ZFYVE9: variants seen among roughly 807,000 people sequenced by gnomAD.
The protein encoded by ZFYVE9 is zinc finger FYVE domain-containing protein 9.
A neutral mutation model predicts 126.7 loss-of-function variants in ZFYVE9; 43 were observed. The ratio of observed to expected loss-of-function variants is 0.34; its 90% CI spans 0.27 to 0.44. The LOEUF (loss-of-function observed/expected upper bound fraction) is 0.44. ZFYVE9 is among the 20% of genes least tolerant of loss of function. The probability of loss-of-function intolerance (pLI) is 1.00; values close to 1 mark genes in which losing one functional copy is unlikely to be tolerated. For synonymous variants in ZFYVE9, 521 were observed against 597.4 expected (o/e 0.87, Z 1.87); for missense variants, 1,476 against 1,697.0 (o/e 0.87, Z 2.29).
Position 52,241,961 on chromosome 1 carries a change from A to G in ZFYVE9, c.2178+2366A>G, listed in dbSNP as rs1645337673. Among the ~76,000 whole-genome samples, 4 of 152,030 alleles carry G rather than the reference A, an allele frequency of 2.6e-5. No homozygotes were observed. The South Asian group carries it at 8.3e-4, about 31-fold the overall frequency. On this transcript the variant is annotated intron_variant, in intron 4 of 18. Transcript: ENST00000287727. ...AACAAGCATATATTGTGTCTAATATATAAAAGGTTCTAGGCTAGGTAATGG... is the reference window on the plus strand; with the variant it reads ...AACAAGCATATATTGTGTCTAATATGTAAAAGGTTCTAGGCTAGGTAATGG...
At position 52,334,786 on chromosome 1, in the gene ZFYVE9, C is replaced by G. The variant is rs745908308; in HGVS notation, c.3670+18C>G. The G allele has an allele frequency of 1.2e-6, 2 of 1,611,666 alleles. No individual in the cohort carries two copies. Among genetic ancestry groups the G allele is most frequent in the East Asian group, 2.2e-5 (1 of 44,826 alleles). ...TGTGGAAGGTAAAGAATGAATTGTTCAGTCCTCATAATAAGGACTGAACTT... is the reference window on the plus strand; with the variant it reads ...TGTGGAAGGTAAAGAATGAATTGTTGAGTCCTCATAATAAGGACTGAACTT... On this transcript the variant is annotated intron_variant, in intron 15 of 18. Transcript: ENST00000287727.
intron 15 of ZFYVE9, among the ~76,000 whole-genome samples, chr1:52,335,940 C>T (rs1646384372): frequency 6.6e-6 from 1 of 152,114 alleles, no homozygotes; most frequent in East Asian, 1.9e-4. Flanking sequence ...TGGAGACCAG[C>T]CTGGCCGACA....
At chr1:52,272,610 T>C (rs1388433956) in intron 7 of ZFYVE9, among the ~76,000 whole-genome samples, 1 of 151,938 alleles carries the variant, frequency 6.6e-6, no homozygotes, top group Non-Finnish European at 1.5e-5. Context: ...CTCCTGTTAG[T>C]GGCCATTCAA....
chr1:52,268,385 G>A (rs1645653689), intron 6 of ZFYVE9, 78 bp from the exon 7 acceptor site: 1 of 1,446,290 alleles, frequency 6.9e-7, no homozygotes, highest in Non-Finnish European at 9.4e-7. Flanking sequence ...ATCTGGAATT[G>A]GTGACCTTCT....
intron 13 of ZFYVE9, among the ~76,000 whole-genome samples, chr1:52,328,767 A>G (rs1287662042): frequency 6.6e-6 from 1 of 152,260 alleles, no homozygotes; most frequent in Non-Finnish European, 1.5e-5. Flanking sequence ...TTTGCTAAGC[A>G]GAAATCTTCT....
intron 13 of ZFYVE9, among the ~76,000 whole-genome samples, chr1:52,325,375 C>T (rs1325217900): frequency 6.6e-6 from 1 of 151,958 alleles, no homozygotes; most frequent in Non-Finnish European, 1.5e-5. Context: ...AAAGAATTAG[C>T]CAGGTGTGGT....
intron 1 of ZFYVE9, among the ~76,000 whole-genome samples, chr1:52,156,422 C>T (rs1453982356): frequency 6.6e-6 from 1 of 152,190 alleles, no homozygotes; most frequent in Non-Finnish European, 1.5e-5. Context: ...AAAGGTGACA[C>T]TCATCATTGC....
At chr1:52,169,259 C>T (rs2124522121) in intron 1 of ZFYVE9, among the ~76,000 whole-genome samples, 1 of 152,154 alleles carries the variant, frequency 6.6e-6, no homozygotes, top group East Asian at 1.9e-4. Context: ...AAAAACTAGC[C>T]AGACGTGGTG....
intron 8 of ZFYVE9, among the ~76,000 whole-genome samples, chr1:52,276,180 A>G (rs1321782245): frequency 2.0e-5 from 3 of 152,168 alleles, no homozygotes. Flanking sequence ...TGCTGGGATT[A>G]CAGGCGTGAG....
intron 1 of ZFYVE9, among the ~76,000 whole-genome samples, chr1:52,164,438 T>C (rs148092993): frequency 1.3e-3 from 205 of 152,162 alleles, no homozygotes; most frequent in African/African-American, 4.6e-3. Flanking sequence ...GGTCTTGAAC[T>C]CCTCACCTCA....
chr1:52,161,470 T>C (rs935303130), intron 1 of ZFYVE9, among the ~76,000 whole-genome samples: 1 of 152,136 alleles, frequency 6.6e-6, no homozygotes. Context: ...TTTGTATTTT[T>C]AGTAGAGACA....
chr1:52,173,481 T>A (rs1054332012), intron 1 of ZFYVE9, among the ~76,000 whole-genome samples: 10 of 152,228 alleles, frequency 6.6e-5, no homozygotes, highest in Admixed American at 3.9e-4. Context: ...GTTGTGTCTC[T>A]GCCCGGCTTT....
At chr1:52,344,578 C>T (rs1412762335) in intron 17 of ZFYVE9, among the ~76,000 whole-genome samples, 190 bp from the exon 18 acceptor site, 1 of 152,046 alleles carries the variant, frequency 6.6e-6, no homozygotes. Flanking sequence ...GATGGAGAGA[C>T]AGGGATTGTT....
At chr1:52,246,698 ATTTTTTTTTTTT>A (rs759969701) in intron 4 of ZFYVE9, among the ~76,000 whole-genome samples, 1 of 99,292 alleles carries the variant, frequency 1.0e-5, no homozygotes, top group African/African-American at 4.0e-5. Flanking sequence ...CGTGTAACTA[ATTTTTTTTTTTT>A]TTTTTTTTTT....
In ZFYVE9 at chr1:52,237,505, A is replaced by G. The variant is rs1645283964; in HGVS notation, c.88A>G (p.Thr30Ala). Residue 30 changes from threonine (T) to alanine (A), a missense_variant, in exon 4 of 19, where the codon ACT (threonine) becomes GCT (alanine). Thr to Ala is a moderately conservative substitution (Grantham distance 58). This residue lies in a region of ZFYVE9 where 807 missense variants were observed against 794.6 expected (regional missense o/e 1.02). Transcript: ENST00000287727. ...TTTTCCAGATGAAACAGTTTCTTCTACTTTATTGGATACAAAGTGGAATAA... is the reference window on the plus strand; with the variant it reads ...TTTTCCAGATGAAACAGTTTCTTCTGCTTTATTGGATACAAAGTGGAATAA... ...EQNEDETVSS[T>A]LLDTKWNKIL... The G allele has an allele frequency of 1.2e-6, 2 of 1,607,658 alleles. No homozygotes were observed. The highest frequency in any genetic ancestry group is 2.2e-5 in the South Asian group (2 of 90,316).
chr1:52,176,309 C>T (rs536096094), intron 1 of ZFYVE9, among the ~76,000 whole-genome samples: 9 of 152,292 alleles, frequency 5.9e-5, no homozygotes, highest in Middle Eastern at 3.4e-3. Context: ...TGTAGAACAG[C>T]GGATCTTGGT....
intron 1 of ZFYVE9, among the ~76,000 whole-genome samples, chr1:52,183,627 C>T (rs907583605): frequency 1.3e-5 from 2 of 152,170 alleles, no homozygotes; most frequent in East Asian, 1.9e-4. Flanking sequence ...CTCAGCCTTC[C>T]GAGTATCTGG....
chr1:52,323,230 C>A (rs1375177595), intron 13 of ZFYVE9, among the ~76,000 whole-genome samples: 1 of 152,220 alleles, frequency 6.6e-6, no homozygotes, highest in African/African-American at 2.4e-5. Context: ...CACGTATCCC[C>A]ATGCAGTGGG....
intron 1 of ZFYVE9, among the ~76,000 whole-genome samples, chr1:52,167,550 T>C (rs1010535344): frequency 6.6e-6 from 1 of 152,092 alleles, no homozygotes; most frequent in Non-Finnish European, 1.5e-5. Context: ...CCTACCCTTT[T>C]ACCCTGATAT....
Sources: gnomAD v4.1 joint callset for allele counts (sites outside exome capture counted in the v4.1 genomes callset) on GRCh38, gnomAD v4.1.1 for gene constraint, gnomAD v4.1.1 regional missense constraint, MANE v1.5 for transcripts, NCBI Gene and HGNC (gene_info 2026-07-23, HGNC 2026-07-21) for gene names.